GRIA2: variants seen among roughly 807,000 people sequenced by gnomAD.
GRIA2 encodes glutamate receptor 2.
Under a neutral mutation model 97.3 loss-of-function variants are expected in GRIA2, and 14 were observed. That is an observed-to-expected ratio of 0.14 (90% CI 0.10 to 0.23). The LOEUF (loss-of-function observed/expected upper bound fraction) is 0.23, where lower values mean the gene tolerates loss of function less well. GRIA2 is among the 10% of genes least tolerant of loss of function. The pLI, the probability that GRIA2 is intolerant of heterozygous loss-of-function variation, is 1.00. For synonymous variants in GRIA2, 412 were observed against 387.8 expected (o/e 1.06, Z -0.73); for missense variants, 558 against 1,069.8 (o/e 0.52, Z 6.67).
At chr4:157,226,075 CCTTT>C (rs1020797474) in intron 2 of GRIA2, among the ~76,000 whole-genome samples, 2 of 151,806 alleles carry the variant, frequency 1.3e-5, no homozygotes, top group African/African-American at 4.8e-5. Context: ...CAGAACCTTC[CCTTT>C]CTATTTCTTT....
chr4:157,363,306 G>A (rs1021392690), intron 15 of GRIA2, 129 bp from the exon 16 acceptor site: 1 of 575,514 alleles, frequency 1.7e-6, no homozygotes, highest in Non-Finnish European at 2.6e-6. Context: ...TGCACTGTTT[G>A]CTTTCATTTG....
chr4:157,256,008 T>A (rs1731225007), intron 2 of GRIA2, among the ~76,000 whole-genome samples: 1 of 150,794 alleles, frequency 6.6e-6, no homozygotes, highest in African/African-American at 2.4e-5. Context: ...AATTTTATCA[T>A]GTTAAGTATA....
At chr4:157,356,293 TC>T (rs779660124) in intron 12 of GRIA2, among the ~76,000 whole-genome samples, 6 of 149,842 alleles carry the variant, frequency 4.0e-5, no homozygotes, top group Non-Finnish European at 8.9e-5. Flanking sequence ...GTGCAGTTGT[TC>T]CTGAGAAAGA....
In GRIA2 at chr4:157,361,106, C is replaced by T. The variant is rs1736612191; in HGVS notation, c.2388C>T (p.Ser796=). The T allele has an allele frequency of 2.5e-6, 4 of 1,611,646 alleles. No homozygotes were observed. The highest frequency in any genetic ancestry group is 3.4e-6 in the Non-Finnish European group (4 of 1,178,008). The stretch of plus-strand genomic sequence containing the variant: ...GGTACGACAAAGGAGAGTGCGGCAG[C>T]GGGGGAGGTGATTCCAAGGTCAGCC... The part of the protein sequence containing the change: ...KWWYDKGECG[S]GGGDSKEKTS... Residue 796 remains serine, a synonymous_variant, in exon 14 of 16, where the codon AGC becomes AGT. Coordinates refer to ENST00000264426, the MANE Select transcript of GRIA2 (RefSeq NM_001083619.3). This position sits in a 1 kb window ranked among gnomAD's most constrained non-coding sequence, Gnocchi z 5.2.
chr4:157,258,018 T>C (rs759187030), intron 2 of GRIA2, among the ~76,000 whole-genome samples: 1 of 152,148 alleles, frequency 6.6e-6, no homozygotes, highest in African/African-American at 2.4e-5. Context: ...ATTCTTGTAA[T>C]TTCCTATGCC....
chr4:157,224,505 A>G (rs1445176743), intron 2 of GRIA2, among the ~76,000 whole-genome samples: 1 of 152,166 alleles, frequency 6.6e-6, no homozygotes, highest in Non-Finnish European at 1.5e-5. Flanking sequence ...TAGAGATTGC[A>G]AAATGAAATA....
At chr4:157,227,746 T>C (rs578047789) in intron 2 of GRIA2, among the ~76,000 whole-genome samples, 2 of 152,346 alleles carry the variant, frequency 1.3e-5, no homozygotes, top group East Asian at 3.9e-4. Flanking sequence ...TTTATTATTA[T>C]AGCAATTTTA....
intron 2 of GRIA2, among the ~76,000 whole-genome samples, chr4:157,302,880 C>A (rs2126864968): frequency 6.6e-6 from 1 of 152,126 alleles, no homozygotes; most frequent in African/African-American, 2.4e-5. Flanking sequence ...TGTGCAAATA[C>A]AATACTATAT....
chr4:157,326,443 G>T (rs914461975), intron 6 of GRIA2, among the ~76,000 whole-genome samples: 1 of 152,008 alleles, frequency 6.6e-6, no homozygotes, highest in Non-Finnish European at 1.5e-5. Flanking sequence ...TATAACTCAG[G>T]CTCCTAGAAT....
At chr4:157,220,478 G>A (rs1015553759), upstream of GRIA2, 3 of 152,218 alleles carry the variant, frequency 2.0e-5, no homozygotes, top group Admixed American at 1.3e-4. Context: ...GCGGCTACGG[G>A]CCCCGAGCTG....
At chr4:157,222,871 T>TC (rs1211736610) in intron 2 of GRIA2, among the ~76,000 whole-genome samples, 2 of 152,126 alleles carry the variant, frequency 1.3e-5, no homozygotes, top group Non-Finnish European at 2.9e-5. Flanking sequence ...CCGCGCTCGC[T>TC]CCCCCGCGCA....
chr4:157,294,672 T>G (rs1236350600), intron 2 of GRIA2, among the ~76,000 whole-genome samples: 1 of 152,146 alleles, frequency 6.6e-6, no homozygotes, highest in Non-Finnish European at 1.5e-5. Flanking sequence ...TTTTCTAGAA[T>G]TTCTCTCTTT....
chr4:157,249,064 G>A (rs1036301800), intron 2 of GRIA2, among the ~76,000 whole-genome samples: 1 of 151,868 alleles, frequency 6.6e-6, no homozygotes, highest in Non-Finnish European at 1.5e-5. Context: ...GGATCTCCTG[G>A]CCTCAAGTGA....
At chr4:157,360,707 A>G (rs1736596669) in intron 13 of GRIA2, 2 of 493,376 alleles carry the variant, frequency 4.1e-6, no homozygotes. Flanking sequence ...TTTTTTTTTT[A>G]GTGGAGTCAC....
At position 157,259,152 on chromosome 4, in the gene GRIA2, C is replaced by A. The variant is rs148206567; in HGVS notation, c.229+37345C>A. Among the ~76,000 whole-genome samples the A allele has an allele frequency of 8.9e-4, 136 of 152,144 alleles. 3 individuals carry two copies. In the East Asian group the frequency reaches 0.026, roughly 29 times the overall value. ...CTGAAATGAGAGGACTGCTTGAGCC[C>A]AGGAGGTTGAGACTGCAGTATGCCA... On this transcript the variant is annotated intron_variant, in intron 2 of 15. Transcript: ENST00000264426.
chr4:157,258,698 G>T (rs764743024), intron 2 of GRIA2, among the ~76,000 whole-genome samples: 46 of 152,026 alleles, frequency 3.0e-4, no homozygotes, highest in Non-Finnish European at 4.6e-4. Flanking sequence ...AAACTTGCTG[G>T]TTTTGCGGCT....
At chr4:157,353,037 G>A (rs902191149) in intron 12 of GRIA2, among the ~76,000 whole-genome samples, 42 of 151,966 alleles carry the variant, frequency 2.8e-4, no homozygotes, top group African/African-American at 9.2e-4. Flanking sequence ...CAGCCTGGGC[G>A]ACAGAGCGAG....
intron 4 of GRIA2, among the ~76,000 whole-genome samples, chr4:157,315,515 T>G (rs547881518): frequency 3.0e-4 from 44 of 147,480 alleles, no homozygotes; most frequent in Middle Eastern, 3.5e-3. Context: ...ATGGGTTTTT[T>G]TTTGTTTGTT....
intron 2 of GRIA2, among the ~76,000 whole-genome samples, chr4:157,284,517 G>A (rs755087881): frequency 2.0e-5 from 3 of 151,516 alleles, no homozygotes; most frequent in South Asian, 2.1e-4. Flanking sequence ...CTGATAATGC[G>A]GCACCCAGTT....
Sources: allele counts gnomAD v4.1 joint callset (sites outside exome capture counted in the v4.1 genomes callset), GRCh38; gene constraint gnomAD v4.1.1; non-coding constraint Gnocchi (gnomAD v3.1); transcripts MANE v1.5; gene names NCBI Gene and HGNC (gene_info 2026-07-23, HGNC 2026-07-21).